The following TMPRSS11F variants were observed in gnomAD, a reference collection of about 807,000 sequenced individuals.
TMPRSS11F encodes the protein transmembrane protease serine 11F.
Under a neutral mutation model 60.2 loss-of-function variants are expected in TMPRSS11F, and 47 were observed. The observed-to-expected ratio is 0.78, with a 90% CI of 0.62 to 1.00. TMPRSS11F has a LOEUF of 1.00. TMPRSS11F is among the 50% of genes least tolerant of loss of function. The pLI is 0.00. For synonymous variants in TMPRSS11F, 166 were observed against 167.3 expected, an observed-to-expected ratio of 0.99 and a Z score of 0.06; for missense variants, 519 against 522.9, an observed-to-expected ratio of 0.99 and a Z score of 0.07.
At chr4:68,125,577 A>C (rs945899491) in intron 1 of TMPRSS11F, among the ~76,000 whole-genome samples, 1 of 152,202 alleles carries the variant, frequency 6.6e-6, no homozygotes, top group African/African-American at 2.4e-5. Flanking sequence ...ACTGTGCTTC[A>C]TAATAAATAA....
intron 5 of TMPRSS11F, among the ~76,000 whole-genome samples, 196 bp from the exon 6 acceptor site, chr4:68,070,203 T>C (rs937509872): frequency 6.6e-6 from 1 of 152,252 alleles, no homozygotes. Context: ...AATTGTGTAA[T>C]TTAATTTAAA....
intron 2 of TMPRSS11F, among the ~76,000 whole-genome samples, chr4:68,092,790 TC>T: frequency 6.6e-6 from 1 of 152,272 alleles, no homozygotes; most frequent in Non-Finnish European, 1.5e-5. Context: ...CATATACATA[TC>T]CCTATATTGT....
At chr4:68,104,583 G>A (rs1223568539) in intron 1 of TMPRSS11F, among the ~76,000 whole-genome samples, 1 of 152,060 alleles carries the variant, frequency 6.6e-6, no homozygotes. Flanking sequence ...TTTCCTGAGG[G>A]CTCCCCAGCC....
intron 1 of TMPRSS11F, among the ~76,000 whole-genome samples, chr4:68,119,548 G>A (rs993575604): frequency 1.3e-5 from 2 of 152,082 alleles, no homozygotes; most frequent in African/African-American, 4.8e-5. Context: ...AAAATTCTAG[G>A]GCCCTTAAGA....
chr4:68,108,425 C>G (rs1172564575), intron 1 of TMPRSS11F, among the ~76,000 whole-genome samples: 1 of 152,186 alleles, frequency 6.6e-6, no homozygotes, highest in African/African-American at 2.4e-5. Context: ...AGTATGCAAT[C>G]TGCCCACTGG....
chr4:68,096,466 T>C (rs900112576), intron 2 of TMPRSS11F, among the ~76,000 whole-genome samples: 1 of 152,214 alleles, frequency 6.6e-6, no homozygotes, highest in African/African-American at 2.4e-5. Flanking sequence ...TATGGAGTTG[T>C]AAAAATAAAA....
chr4:68,059,724 C>A (rs1205419803), intron 8 of TMPRSS11F, among the ~76,000 whole-genome samples: 1 of 152,088 alleles, frequency 6.6e-6, no homozygotes, highest in African/African-American at 2.4e-5. Context: ...CATACGCATG[C>A]ATTTTTTCAT....
At chr4:68,063,671 C>A (rs897179820) in intron 8 of TMPRSS11F, among the ~76,000 whole-genome samples, 1 of 152,044 alleles carries the variant, frequency 6.6e-6, no homozygotes, top group Non-Finnish European at 1.5e-5. Flanking sequence ...GAGCCATCAC[C>A]GCTGGCCTAA....
At chr4:68,101,721 T>C (rs1290150428) in intron 1 of TMPRSS11F, among the ~76,000 whole-genome samples, 1 of 152,196 alleles carries the variant, frequency 6.6e-6, no homozygotes, top group African/African-American at 2.4e-5. Context: ...TTATTGTGCA[T>C]ATTTAAAGGA....
chr4:68,125,340 A>T (rs1250686487), intron 1 of TMPRSS11F, among the ~76,000 whole-genome samples: 1 of 152,154 alleles, frequency 6.6e-6, no homozygotes. Context: ...AATCATTTAT[A>T]AAATTTTCTA....
chr4:68,082,057 G>T (rs926898345), intron 3 of TMPRSS11F, among the ~76,000 whole-genome samples: 4 of 152,126 alleles, frequency 2.6e-5, no homozygotes, highest in African/African-American at 9.7e-5. Flanking sequence ...AGATCTCTGG[G>T]AGAGAAAACA....
intron 1 of TMPRSS11F, among the ~76,000 whole-genome samples, chr4:68,111,868 A>G (rs1406315941): frequency 2.0e-5 from 3 of 152,188 alleles, no homozygotes; most frequent in Non-Finnish European, 2.9e-5. Context: ...ATGATTCCCA[A>G]TTCTCAATTA....
At chr4:68,103,218 A>T (rs938614823) in intron 1 of TMPRSS11F, among the ~76,000 whole-genome samples, 1 of 152,106 alleles carries the variant, frequency 6.6e-6, no homozygotes, top group Non-Finnish European at 1.5e-5. Flanking sequence ...AAGTGGGTGG[A>T]TCACTTCAGT....
At chr4:68,086,648 C>T (rs1723820666) in intron 3 of TMPRSS11F, among the ~76,000 whole-genome samples, 1 of 151,856 alleles carries the variant, frequency 6.6e-6, no homozygotes, top group African/African-American at 2.4e-5. Context: ...AAGAGAGAGA[C>T]AATCCGTATA....
intron 3 of TMPRSS11F, among the ~76,000 whole-genome samples, chr4:68,087,322 T>A (rs1394448859): frequency 6.6e-6 from 1 of 152,074 alleles, no homozygotes; most frequent in Non-Finnish European, 1.5e-5. Flanking sequence ...CCCTTCATGA[T>A]AAAAACCCTC....
intron 1 of TMPRSS11F, among the ~76,000 whole-genome samples, chr4:68,115,288 C>T (rs1463143056): frequency 5.2e-5 from 7 of 134,810 alleles, no homozygotes; most frequent in African/African-American, 1.4e-4. Flanking sequence ...ACCCAGGAGG[C>T]GGAGCTGGCA....
At chr4:68,082,400 G>T (rs1205975679) in intron 3 of TMPRSS11F, among the ~76,000 whole-genome samples, 1 of 152,156 alleles carries the variant, frequency 6.6e-6, no homozygotes, top group South Asian at 2.1e-4. Flanking sequence ...ATCCTCCAAG[G>T]CTCTCCCCCT....
At chr4:68,100,287 A>G (rs79181565) in intron 1 of TMPRSS11F, among the ~76,000 whole-genome samples, 5,472 of 152,218 alleles carry the variant, frequency 0.036, 281 homozygotes, top group African/African-American at 0.11. Flanking sequence ...AGCACCTGGA[A>G]ATTTACTCTG....
chr4:68,118,597 A>T (rs769647974), intron 1 of TMPRSS11F, among the ~76,000 whole-genome samples: 1 of 152,202 alleles, frequency 6.6e-6, no homozygotes, highest in African/African-American at 2.4e-5. Context: ...AGTAATTCTG[A>T]GATTTCTTAA....
Sources: allele counts gnomAD v4.1 joint callset (sites outside exome capture counted in the v4.1 genomes callset), GRCh38; gene constraint gnomAD v4.1.1; transcripts MANE v1.5; gene names NCBI Gene and HGNC (gene_info 2026-07-23, HGNC 2026-07-21).